The following GLCCI1 variants were observed in gnomAD, a reference collection of about 807,000 sequenced individuals.
GLCCI1 encodes the protein glucocorticoid-induced transcript 1 protein.
GLCCI1 carries 24 observed loss-of-function variants against 52.2 expected under a neutral mutation model. The observed-to-expected ratio is 0.46, with a 90% CI of 0.33 to 0.65. The LOEUF (loss-of-function observed/expected upper bound fraction) is 0.65, where lower values mean the gene tolerates loss of function less well. GLCCI1 is among the 30% of genes least tolerant of loss of function. GLCCI1 has a pLI of 0.02. For synonymous variants in GLCCI1, 310 were observed against 276.5 expected (o/e 1.12, Z -1.20); for missense variants, 704 against 701.5 (o/e 1.00, Z -0.04).
At chr7:7,991,364 T>C (rs1780835792) in intron 1 of GLCCI1, among the ~76,000 whole-genome samples, 1 of 152,118 alleles carries the variant, frequency 6.6e-6, no homozygotes, top group Admixed American at 6.5e-5. Context: ...TTCTGTATTA[T>C]ATTTAGCTGT....
At chr7:8,024,341 A>G (rs1217320981) in intron 3 of GLCCI1, among the ~76,000 whole-genome samples, 1 of 152,244 alleles carries the variant, frequency 6.6e-6, no homozygotes, top group Non-Finnish European at 1.5e-5. Context: ...TGCAAAAAAA[A>G]TCAGTTTTCT....
chr7:8,026,640 A>G (rs948379515), intron 3 of GLCCI1, among the ~76,000 whole-genome samples: 16 of 152,248 alleles, frequency 1.1e-4, no homozygotes, highest in Non-Finnish European at 2.9e-5. Context: ...GCGACTGGGG[A>G]ACTTTACACT....
chr7:8,045,869 C>G (rs1218709794), intron 3 of GLCCI1, among the ~76,000 whole-genome samples: 3 of 150,268 alleles, frequency 2.0e-5, no homozygotes, highest in African/African-American at 4.9e-5. Context: ...AACCTGCAAA[C>G]AAATATCTTA....
intron 4 of GLCCI1, 69 bp downstream of exon 4, chr7:8,055,618 C>A: frequency 3.3e-6 from 3 of 912,436 alleles, no homozygotes; most frequent in East Asian, 2.5e-5. Flanking sequence ...TTCATCATTT[C>A]AGCATTTAAA....
chr7:8,074,666 C>G (rs940370940), intron 6 of GLCCI1, among the ~76,000 whole-genome samples: 1 of 152,092 alleles, frequency 6.6e-6, no homozygotes, highest in Non-Finnish European at 1.5e-5. Context: ...GCCTGGGCAA[C>G]AGAGCAAGAG....
At chr7:8,055,849 C>T (rs947788085) in intron 4 of GLCCI1, 2 of 185,984 alleles carry the variant, frequency 1.1e-5, no homozygotes, top group Non-Finnish European at 2.3e-5. Flanking sequence ...AAAAATTAGC[C>T]GGGCGTCGTG....
chr7:8,000,721 A>G (rs1781035169), intron 1 of GLCCI1, among the ~76,000 whole-genome samples: 1 of 448 alleles, frequency 2.2e-3, no homozygotes, highest in African/African-American at 0.02. Context: ...TAATGGGACA[A>G]ATTATAATAT....
intron 1 of GLCCI1, among the ~76,000 whole-genome samples, chr7:8,001,528 A>G (rs1305410696): frequency 1.3e-5 from 2 of 152,234 alleles, no homozygotes; most frequent in African/African-American, 2.4e-5. Flanking sequence ...TAGTTCAACT[A>G]TTGTGGAAGA....
intron 6 of GLCCI1, among the ~76,000 whole-genome samples, chr7:8,072,649 T>C (rs545469967): frequency 3.3e-5 from 5 of 152,198 alleles, no homozygotes; most frequent in Non-Finnish European, 7.4e-5. Flanking sequence ...TAACTTGTTT[T>C]AGGTTGTGTA....
chr7:7,995,218 C>A lies in GLCCI1; in HGVS notation c.458-8690C>A, dbSNP rs552716986. Among the ~76,000 whole-genome samples, 52 of 152,028 alleles carry A rather than the reference C, an allele frequency of 3.4e-4. No individual in the cohort carries two copies. The South Asian group carries it at 0.01, about 30-fold the overall frequency. On this transcript the variant is annotated intron_variant, in intron 1 of 7. Transcript: ENST00000223145. ...TGTCATTATATTGAGGAAATTATTC[C>A]CTACTTTAATTATCAAGGTGTTTGA...
chr7:8,084,060 G>A (rs1036959004), intron 6 of GLCCI1, among the ~76,000 whole-genome samples: 4 of 152,124 alleles, frequency 2.6e-5, no homozygotes, highest in Admixed American at 2.6e-4. Flanking sequence ...TGTTTAAATA[G>A]GACTATTGTA....
chr7:8,053,299 G>GT (rs925626745), intron 3 of GLCCI1, among the ~76,000 whole-genome samples: 65 of 113,894 alleles, frequency 5.7e-4, no homozygotes, highest in East Asian at 1.8e-3. Flanking sequence ...GTTTTGTTTT[G>GT]TTTTTTTTTG....
At chr7:8,049,106 C>A (rs750398379) in intron 3 of GLCCI1, among the ~76,000 whole-genome samples, 21 of 152,098 alleles carry the variant, frequency 1.4e-4, no homozygotes, top group Non-Finnish European at 2.9e-4. Flanking sequence ...CACCAGCAAG[C>A]CCTCTCATTA....
intron 1 of GLCCI1, among the ~76,000 whole-genome samples, chr7:7,973,148 G>A (rs1335464392): frequency 6.6e-6 from 1 of 152,054 alleles, no homozygotes; most frequent in Non-Finnish European, 1.5e-5. Flanking sequence ...AAATCATAAA[G>A]TATTATGCAA....
intron 3 of GLCCI1, among the ~76,000 whole-genome samples, chr7:8,024,043 A>C (rs1562432292): frequency 6.6e-6 from 1 of 152,212 alleles, no homozygotes; most frequent in Non-Finnish European, 1.5e-5. Flanking sequence ...CTCTGGATCA[A>C]TATTGAGTAA....
intron 1 of GLCCI1, among the ~76,000 whole-genome samples, chr7:7,998,715 A>G (rs1447220666): frequency 6.6e-6 from 1 of 152,166 alleles, no homozygotes; most frequent in Non-Finnish European, 1.5e-5. Flanking sequence ...TTAATTTATT[A>G]ATAGCTACTG....
At chr7:8,036,691 A>G (rs1423697682) in intron 3 of GLCCI1, among the ~76,000 whole-genome samples, 3 of 152,218 alleles carry the variant, frequency 2.0e-5, no homozygotes, top group African/African-American at 7.2e-5. Flanking sequence ...ACAGTTTATT[A>G]GGAGATACTT....
intron 5 of GLCCI1, among the ~76,000 whole-genome samples, chr7:8,068,269 G>A (rs1032034101): frequency 2.6e-5 from 4 of 152,094 alleles, no homozygotes; most frequent in African/African-American, 9.7e-5. Context: ...AGAATCTCTT[G>A]AACCCAGGAG....
At chr7:7,982,385 G>A (rs73049276) in intron 1 of GLCCI1, among the ~76,000 whole-genome samples, 5,599 of 152,020 alleles carry the variant, frequency 0.037, 145 homozygotes, top group Non-Finnish European at 0.057. Flanking sequence ...ATTATATAGG[G>A]CACTGAAAGA....
Sources: allele counts gnomAD v4.1 joint callset (sites outside exome capture counted in the v4.1 genomes callset), GRCh38; gene constraint gnomAD v4.1.1; transcripts MANE v1.5; gene names NCBI Gene and HGNC (gene_info 2026-07-23, HGNC 2026-07-21).